Variants in SERPING1 observed in about 807,000 individuals in gnomAD.
SERPING1 encodes plasma protease C1 inhibitor.
In SERPING1, 5 loss-of-function variants were observed where a neutral mutation model predicts 34.1. That is an observed-to-expected ratio of 0.15 (90% confidence interval 0.08 to 0.31). The LOEUF is 0.31. Ranked by LOEUF, SERPING1 falls within the 10% of genes least tolerant of loss-of-function variation. The pLI is 1.00. For synonymous variants in SERPING1, 225 were observed against 242.4 expected (o/e 0.93, Z 0.67); for missense variants, 505 against 609.5 (o/e 0.83, Z 1.81).
At position 57,606,770 on chromosome 11, in the gene SERPING1, A is replaced by G. The variant is rs558617984; in HGVS notation, c.1029+223A>G. On this transcript the variant is annotated intron_variant, in intron 6 of 7. Transcript: ENST00000278407. ...GGAAACAGGATTCTCAAGTTTCTTC[A>G]TGCATCTCTACTATATTGAATGGCA... 9.8e-4 allele frequency: 684 copies of G among 700,488 alleles called. 5 individuals are homozygous for G. The highest frequency in any genetic ancestry group is 9.3e-3 in the South Asian group (625 of 67,546). 43.4% of individuals were successfully genotyped at this position (700,488 alleles called of 1,614,324 possible). A position where few individuals can be genotyped will look rare whatever the true frequency, so the allele number is the denominator to read the frequency against.
intron 6 of SERPING1, among the ~76,000 whole-genome samples, chr11:57,607,595 A>G (rs1263832271): frequency 6.6e-6 from 1 of 152,216 alleles, no homozygotes; most frequent in Admixed American, 6.6e-5. Flanking sequence ...TTTGCTGAAT[A>G]AATGAATGAA....
intron 1 of SERPING1, 181 bp downstream of exon 1, chr11:57,597,903 T>G: frequency 6.0e-5 from 14 of 232,146 alleles, no homozygotes; most frequent in Non-Finnish European, 7.7e-5. Context: ...CTCAGGCCTG[T>G]TGTGCTCAGC....
Position 57,602,145 on chromosome 11 carries a change from G to T in SERPING1, c.661G>T (p.Val221Phe), listed in dbSNP as rs760623754. ...KGFTTKGVTSVSQIFHSPDLA... is the reference protein window; with the variant it reads ...KGFTTKGVTSFSQIFHSPDLA... ...CTTCACGACCAAAGGTGTCACCTCAGTCTCTCAGATCTTCCACAGCCCAGG... is the reference window on the plus strand; with the variant it reads ...CTTCACGACCAAAGGTGTCACCTCATTCTCTCAGATCTTCCACAGCCCAGG... Residue 221 changes from valine to phenylalanine, a missense_variant, in exon 4 of 8, where the codon GTC (valine) becomes TTC (phenylalanine). By Grantham distance (50) the Val-to-Phe change is conservative. Transcript: ENST00000278407. 6.2e-7 allele frequency: 1 copy of T among 1,614,200 alleles called. No individual in the cohort carries two copies. Among genetic ancestry groups the T allele is most frequent in the Admixed American group, 1.7e-5 (1 of 60,032 alleles).
rs182779591 is a variant in SERPING1 at position 57,600,054 on chromosome 11, C to A, written c.227C>A (p.Thr76Asn). Residue 76 changes from threonine (T) to asparagine (N), a missense_variant, in exon 3 of 8, where the codon ACC (threonine) becomes AAC (asparagine). Physicochemically the swap from Thr to Asn is moderately conservative, Grantham distance 65. Transcript: ENST00000278407. Reference protein sequence around the residue: ...PTTNSTTNSATKITANTTDEP... With the variant: ...PTTNSTTNSANKITANTTDEP... ...ACCAACTCAACAACCAATTCAGCCA[C>A]CAAAATAACAGCTAATACCACTGAT... is the stretch of plus-strand genomic sequence containing the variant. 6.2e-7 allele frequency: 1 copy of A among 1,613,992 alleles called. No individual in the cohort carries two copies. The highest frequency in any genetic ancestry group is 1.3e-5 in the African/African-American group (1 of 74,908).
At chr11:57,611,679 G>A (rs184675077) in intron 6 of SERPING1, 38 bp from the exon 7 acceptor site, 42 of 1,565,764 alleles carry the variant, frequency 2.7e-5, no homozygotes, top group East Asian at 1.1e-4. Context: ...AGAGAGATGC[G>A]GTAGGAAGAC....
chr11:57,602,143 C>T lies in SERPING1; in HGVS notation c.659C>T (p.Ser220Leu). The T allele has an allele frequency of 1.2e-6, 2 of 1,614,220 alleles. No individual in the cohort carries two copies. The highest frequency in any genetic ancestry group is 1.7e-6 in the Non-Finnish European group (2 of 1,180,052). ...LKGFTTKGVT[S>L]VSQIFHSPDL... ...GGCTTCACGACCAAAGGTGTCACCT[C>T]AGTCTCTCAGATCTTCCACAGCCCA... Residue 220 changes from serine (S) to leucine (L), a missense_variant, in exon 4 of 8, where the codon TCA becomes TTA. Coordinates refer to ENST00000278407, the MANE Select transcript of SERPING1 (RefSeq NM_000062.3).
At position 57,612,631 on chromosome 11, in the gene SERPING1, A is replaced by G. The variant is rs879869308; in HGVS notation, c.1249+695A>G. On this transcript the variant is annotated intron_variant, in intron 7 of 7. Transcript: ENST00000278407. ...ACGGGGTTTCACTGTGTTAACCAGGATGGTCACAATCTCCGGACCTTGTGA... is the reference window on the plus strand; with the variant it reads ...ACGGGGTTTCACTGTGTTAACCAGGGTGGTCACAATCTCCGGACCTTGTGA... Among the ~76,000 whole-genome samples, 3 of 152,076 alleles carry G rather than the reference A, an allele frequency of 2.0e-5. No individual in the cohort carries two copies. In the East Asian group the frequency reaches 5.8e-4, roughly 29 times the overall value.
At position 57,606,494 on chromosome 11, in the gene SERPING1, A is replaced by C; in HGVS notation, c.976A>C (p.Asn326His). The C allele has an allele frequency of 6.2e-7, 1 of 1,614,204 alleles. No individual in the cohort carries two copies. The highest frequency in any genetic ancestry group is 8.5e-7 in the Non-Finnish European group (1 of 1,180,022). Residue 326 changes from asparagine to histidine, a missense_variant, in exon 6 of 8, where the codon AAT becomes CAT. By Grantham distance (68) the Asn-to-His change is moderately conservative. Coordinates refer to ENST00000278407, the MANE Select transcript of SERPING1 (RefSeq NM_000062.3). ...CTCAGTTATAAAAGTGCCCATGATG[A>C]ATAGCAAGAAGTACCCTGTGGCCCA... is the stretch of plus-strand genomic sequence containing the variant. ...KNSVIKVPMM[N>H]SKKYPVAHFI...
intron 3 of SERPING1, among the ~76,000 whole-genome samples, chr11:57,601,326 G>C (rs535454280): frequency 6.6e-6 from 1 of 151,662 alleles, no homozygotes; most frequent in African/African-American, 2.4e-5. Context: ...ACTTGAACAC[G>C]GGAGGCAGAG....
At chr11:57,598,371 G>C (rs1251383229) in intron 2 of SERPING1, 50 bp downstream of exon 2, 1 of 1,522,544 alleles carries the variant, frequency 6.6e-7, no homozygotes, top group Admixed American at 2.0e-5. Flanking sequence ...CGGGAGGCGG[G>C]ATGGTGCGGG....
intron 6 of SERPING1, among the ~76,000 whole-genome samples, chr11:57,610,702 C>T (rs1407269075): frequency 6.6e-6 from 1 of 152,138 alleles, no homozygotes; most frequent in Non-Finnish European, 1.5e-5. Flanking sequence ...AATTCTTTGT[C>T]CTGTGCATTG....
rs1417344408 is a variant in SERPING1, at chr11:57,611,865, C to T, written c.1178C>T (p.Pro393Leu). The change falls in exon 7 of 8, where the codon CCC (proline) becomes CTC (leucine). Residue 393 changes from proline (P) to leucine (L), a missense_variant. Coordinates refer to ENST00000278407, the MANE Select transcript of SERPING1 (RefSeq NM_000062.3). ...AAACTGGAGATGTCCAAGTTCCAGC[C>T]CACTCTCCTAACACTACCCCGCATC... ...MEKLEMSKFQ[P>L]TLLTLPRIKV... 2 of 1,614,024 alleles carry T rather than the reference C, an allele frequency of 1.2e-6. No homozygotes were observed. The highest frequency in any genetic ancestry group is 1.3e-5 in the African/African-American group (1 of 74,918).
In SERPING1 at chr11:57,614,814, A is replaced by G. The variant is rs1022020926; in HGVS notation, c.*233A>G. The G allele has an allele frequency of 1.8e-6, 1 of 543,526 alleles. No individual in the cohort carries two copies. Among genetic ancestry groups the G allele is most frequent in the Non-Finnish European group, 3.3e-6 (1 of 306,578 alleles). 33.7% of individuals were successfully genotyped at this position (543,526 alleles called of 1,614,324 possible). On this transcript the variant is annotated 3_prime_UTR_variant, in exon 8 of 8. Coordinates refer to ENST00000278407, the MANE Select transcript of SERPING1 (RefSeq NM_000062.3). Reference sequence around the variant, plus strand: ...TTGCAGCTTTCTCTAGTTCAAGTTCACCAGACTCTATAAATAAAACCTGAC... The same window carrying G: ...TTGCAGCTTTCTCTAGTTCAAGTTCGCCAGACTCTATAAATAAAACCTGAC...
intron 7 of SERPING1, among the ~76,000 whole-genome samples, chr11:57,612,736 C>T (rs962876252): frequency 6.0e-5 from 9 of 151,038 alleles, no homozygotes; most frequent in Non-Finnish European, 1.2e-4. Flanking sequence ...CATTTTCTAA[C>T]CTTTGTTTTT....
chr11:57,600,550 T>C (rs1402054063), intron 3 of SERPING1, among the ~76,000 whole-genome samples, 173 bp downstream of exon 3: 1 of 152,198 alleles, frequency 6.6e-6, no homozygotes, highest in Non-Finnish European at 1.5e-5. Context: ...TTCCATCATT[T>C]CACAGTGATG....
intron 2 of SERPING1, 22 bp downstream of exon 2, chr11:57,598,343 G>A: frequency 1.3e-6 from 2 of 1,550,782 alleles, no homozygotes; most frequent in Non-Finnish European, 1.7e-6. Context: ...CTTGTGGGAT[G>A]GGGGACGGGG....
In SERPING1 at chr11:57,606,454, C is replaced by A; in HGVS notation, c.936C>A (p.Pro312=). 2 of 1,614,172 alleles carry A rather than the reference C, an allele frequency of 1.2e-6. No homozygotes were observed. The highest frequency in any genetic ancestry group is 1.7e-6 in the Non-Finnish European group (2 of 1,180,014). The change falls in exon 6 of 8, where the codon CCC becomes CCA. Residue 312 remains proline, a synonymous_variant. Coordinates refer to ENST00000278407, the MANE Select transcript of SERPING1 (RefSeq NM_000062.3). Reference sequence around the variant, plus strand: ...ATCCCAAGAAAACCAGAATGGAACCCTTTCACTTCAAAAACTCAGTTATAA... The same window carrying A: ...ATCCCAAGAAAACCAGAATGGAACCATTTCACTTCAAAAACTCAGTTATAA... ...TFDPKKTRME[P]FHFKNSVIKV... is the part of the protein sequence containing the mutation.
At chr11:57,597,971 C>G (rs1945306062) in intron 1 of SERPING1, 5 of 486,064 alleles carry the variant, frequency 1.0e-5, no homozygotes, top group Admixed American at 3.4e-5. Context: ...AAAGCAGGAC[C>G]CCCTCCCCCT....
chr11:57,614,066 A>T (rs1240567537), intron 7 of SERPING1, among the ~76,000 whole-genome samples: 2 of 152,134 alleles, frequency 1.3e-5, no homozygotes, highest in African/African-American at 4.8e-5. Flanking sequence ...CTGGGAGATA[A>T]GGAGGCAATG....
Sources: gnomAD v4.1 joint callset for allele counts (sites outside exome capture counted in the v4.1 genomes callset) on GRCh38, gnomAD v4.1.1 for gene constraint, MANE v1.5 for transcripts, NCBI Gene and HGNC (gene_info 2026-07-23, HGNC 2026-07-21) for gene names.